The following TJAP1 variants were observed in gnomAD, a reference collection of about 807,000 sequenced individuals.
The protein encoded by TJAP1 is tight junction associated protein 1, also known as tight junction-associated protein 1.
A neutral mutation model predicts 42.0 loss-of-function variants in TJAP1; 27 were observed. The ratio of observed to expected loss-of-function variants is 0.64; its 90% CI spans 0.47 to 0.89. TJAP1 has a LOEUF of 0.89. Ranked by LOEUF, TJAP1 falls within the 40% of genes least tolerant of loss-of-function variation. The pLI, the probability that TJAP1 is intolerant of heterozygous loss-of-function variation, is 0.00. For synonymous variants in TJAP1, 257 were observed against 288.4 expected (o/e 0.89, Z 1.10); for missense variants, 712 against 726.9 (o/e 0.98, Z 0.24).
chr6:43,482,703 G>A (rs1481367757), intron 2 of TJAP1, among the ~76,000 whole-genome samples: 1 of 152,196 alleles, frequency 6.6e-6, no homozygotes. Context: ...TAGCATTTAG[G>A]ACAGTGCTGG....
At chr6:43,506,438 C>G (rs559761432) in exon 11 of TJAP1, 1 of 152,860 alleles carries the variant, frequency 6.5e-6, no homozygotes, top group Admixed American at 6.5e-5. Flanking sequence ...TCAAGCTGGG[C>G]TCTGTGTGAG....
chr6:43,484,630 G>A (rs1304885512), intron 2 of TJAP1, among the ~76,000 whole-genome samples: 1 of 152,198 alleles, frequency 6.6e-6, no homozygotes, highest in Non-Finnish European at 1.5e-5. Flanking sequence ...GTAAAACGGA[G>A]TCTCCTTTCT....
At position 43,502,682 on chromosome 6, in the gene TJAP1, T is replaced by C. The variant is rs1218918547; in HGVS notation, c.387+65T>C. ...CTTCTCCTCAGCTGAGATCTGGGAT[T>C]GTGGGCCCTGGCTGTTACCCTGTGC... On this transcript the variant is annotated intron_variant, in intron 8 of 10. Transcript: ENST00000372449. 3 of 1,528,620 alleles carry C rather than the reference T, an allele frequency of 2.0e-6. No homozygotes were observed. In the Admixed American group the frequency reaches 5.9e-5, roughly 30 times the overall value. The allele number at this position is 1,528,620 out of a possible 1,614,324, so 94.7% of individuals were successfully genotyped here.
intron 2 of TJAP1, among the ~76,000 whole-genome samples, chr6:43,481,348 G>T (rs2127463758): frequency 6.6e-6 from 1 of 152,090 alleles, no homozygotes; most frequent in East Asian, 1.9e-4. Flanking sequence ...CCTTAAAGGG[G>T]TGTGTGTGTG....
chr6:43,488,360 G>A (rs1021687950), intron 2 of TJAP1, among the ~76,000 whole-genome samples: 3 of 152,208 alleles, frequency 2.0e-5, no homozygotes, highest in African/African-American at 7.2e-5. Context: ...CTCCCTGGGA[G>A]GGATGGAGAA....
At chr6:43,487,951 C>T (rs928557564) in intron 2 of TJAP1, among the ~76,000 whole-genome samples, 2 of 151,406 alleles carry the variant, frequency 1.3e-5, no homozygotes, top group African/African-American at 4.9e-5. Context: ...CTCACTGCAA[C>T]CTCCACCTCC....
Position 43,492,053 on chromosome 6 carries a change from C to T in TJAP1, c.-121-5828C>T, listed in dbSNP as rs138239475. Among the ~76,000 whole-genome samples the T allele has an allele frequency of 1.3e-5, 2 of 152,154 alleles. No homozygotes were observed. Among genetic ancestry groups the T allele is most frequent in the Non-Finnish European group, 2.9e-5 (2 of 68,032 alleles). The stretch of plus-strand genomic sequence containing the variant: ...GCTATGACCTTGGGGATTTCTTGCC[C>T]TCTTTTTTTGCAGGGAGGGGTTGGT... On this transcript the variant is annotated intron_variant, in intron 2 of 10. Coordinates refer to ENST00000372449, the Ensembl canonical transcript of TJAP1. This position sits in a 1 kb window ranked among gnomAD's most constrained non-coding sequence, Gnocchi z 4.2.
chr6:43,500,575 T>A, intron 4 of TJAP1, 169 bp from the exon 5 acceptor site: 1 of 660,544 alleles, frequency 1.5e-6, no homozygotes, highest in East Asian at 2.7e-5. Flanking sequence ...AGTCGAGGCT[T>A]GTCCCAGCAT....
At chr6:43,501,252 T>G in intron 5 of TJAP1, 1 of 440,652 alleles carries the variant, frequency 2.3e-6, no homozygotes, top group Non-Finnish European at 4.0e-6. Flanking sequence ...CTACCCCCAA[T>G]TCTTTATTTC....
intron 2 of TJAP1, among the ~76,000 whole-genome samples, chr6:43,485,273 C>G (rs533284391): frequency 6.8e-4 from 103 of 152,266 alleles, no homozygotes; most frequent in African/African-American, 2.4e-3. Context: ...CTTCTTGGCC[C>G]CACTTTTCTT....
rs544931706 is a variant in TJAP1, at chr6:43,494,859, C to G, written c.-121-3022C>G. Among the ~76,000 whole-genome samples, 31 of 152,316 alleles carry G rather than the reference C, an allele frequency of 2.0e-4. 1 individual carries two copies. The South Asian group carries it at 6.2e-3, about 30-fold the overall frequency. Reference sequence around the variant, plus strand: ...CAGTGCTGGGATTACAGGCGTGAGCCACCATGTTGGGCCAGCTCTGTTGAT... The same window carrying G: ...CAGTGCTGGGATTACAGGCGTGAGCGACCATGTTGGGCCAGCTCTGTTGAT... On this transcript the variant is annotated intron_variant, in intron 2 of 10. Coordinates refer to ENST00000372449, the Ensembl canonical transcript of TJAP1.
intron 2 of TJAP1, among the ~76,000 whole-genome samples, chr6:43,479,774 A>G (rs913378099): frequency 6.6e-6 from 1 of 152,326 alleles, no homozygotes; most frequent in African/African-American, 2.4e-5. Context: ...GATCGAGACC[A>G]TCCTGGCCAA....
intron 2 of TJAP1, among the ~76,000 whole-genome samples, chr6:43,493,750 G>A (rs1391560537): frequency 1.3e-5 from 2 of 152,034 alleles, no homozygotes; most frequent in Admixed American, 6.6e-5. Flanking sequence ...TGCTGGGAAC[G>A]GTAAGATAGT....
chr6:43,504,890 G>C, exon 11 of TJAP1: 1 of 1,614,184 alleles, frequency 6.2e-7, no homozygotes, highest in Non-Finnish European at 8.5e-7. Flanking sequence ...CCGAGTGTTA[G>C]AGAAGCCGGA....
chr6:43,505,519 T>G lies in TJAP1; in HGVS notation c.1338T>G (p.Phe446Leu). 1 of 1,613,942 alleles carries G rather than the reference T, an allele frequency of 6.2e-7. No homozygotes were observed. Among genetic ancestry groups the G allele is most frequent in the South Asian group, 1.1e-5 (1 of 91,090 alleles). The change falls in exon 11 of 11, where the codon TTT (phenylalanine) becomes TTG (leucine). Residue 446 changes from phenylalanine (F) to leucine (L), a missense_variant. This residue lies in a region of TJAP1 where 549 missense variants were observed against 528.2 expected (regional missense o/e 1.04). Transcript: ENST00000372449. The surrounding 1 kb of genome is among the most constrained non-coding windows in gnomAD (Gnocchi z 5.5). ...CCCTCCCTGAGCTGCAGCGCCATTT[T>G]GCCCATAGCCCCGCTGACAGAGATG... is the stretch of plus-strand genomic sequence containing the variant.
At chr6:43,503,681 A>G (rs1791504941) in exon 10 of TJAP1, 2 of 1,614,080 alleles carry the variant, frequency 1.2e-6, no homozygotes, top group Non-Finnish European at 1.7e-6. Context: ...AACAAGTCCC[A>G]CTTCCGAAAC....
At chr6:43,482,670 TGTCTTA>T (rs1562237760) in intron 2 of TJAP1, among the ~76,000 whole-genome samples, 1 of 152,230 alleles carries the variant, frequency 6.6e-6, no homozygotes. Flanking sequence ...ACAGAGACTA[TGTCTTA>T]TTCACTACTG....
chr6:43,496,424 C>T (rs894723466), intron 2 of TJAP1, among the ~76,000 whole-genome samples: 3 of 152,224 alleles, frequency 2.0e-5, no homozygotes, highest in South Asian at 2.1e-4. Context: ...TCCTTTCAGG[C>T]CCGCCCACCC....
At chr6:43,484,713 T>C (rs149576019) in intron 2 of TJAP1, among the ~76,000 whole-genome samples, 1 of 148,614 alleles carries the variant, frequency 6.7e-6, no homozygotes, top group Non-Finnish European at 1.5e-5. Context: ...TTGTTGGTGT[T>C]TCTCCCCATC....
Sources: allele counts gnomAD v4.1 joint callset (sites outside exome capture counted in the v4.1 genomes callset), GRCh38; gene constraint gnomAD v4.1.1; regional missense constraint gnomAD v4.1.1; non-coding constraint Gnocchi (gnomAD v3.1); transcripts MANE v1.5; gene names NCBI Gene and HGNC (gene_info 2026-07-23, HGNC 2026-07-21).